The following DENND5A variants were observed in gnomAD, a reference collection of about 807,000 sequenced individuals.
DENND5A encodes DENN domain-containing protein 5A.
In DENND5A, 64 loss-of-function variants were observed where a neutral mutation model predicts 140.3. The ratio of observed to expected loss-of-function variants is 0.46; its 90% CI spans 0.37 to 0.56. The LOEUF (loss-of-function observed/expected upper bound fraction) is 0.56, where lower values mean the gene tolerates loss of function less well. DENND5A is among the 20% of genes least tolerant of loss of function. The pLI is 0.00. For synonymous variants in DENND5A, 605 were observed against 607.7 expected (o/e 1.00, Z 0.07); for missense variants, 1,292 against 1,593.8 (o/e 0.81, Z 3.22).
At chr11:9,177,290 G>A (rs1468778588) in intron 8 of DENND5A, among the ~76,000 whole-genome samples, 1 of 149,166 alleles carries the variant, frequency 6.7e-6, no homozygotes, top group Admixed American at 6.7e-5. Flanking sequence ...AAAAAAAAAA[G>A]GTGGAATGGT....
chr11:9,190,809 C>T (rs926347443), intron 5 of DENND5A, among the ~76,000 whole-genome samples: 2 of 152,126 alleles, frequency 1.3e-5, no homozygotes, highest in Non-Finnish European at 2.9e-5. Context: ...CTTTTGTGCA[C>T]TGTTAGCATT....
At chr11:9,254,294 G>T (rs1851855002) in intron 1 of DENND5A, among the ~76,000 whole-genome samples, 1 of 151,598 alleles carries the variant, frequency 6.6e-6, no homozygotes, top group Non-Finnish European at 1.5e-5. Context: ...AGGTATGATT[G>T]TCCACTGTAC....
chr11:9,151,012 C>T (rs1415713748), intron 13 of DENND5A, among the ~76,000 whole-genome samples: 1 of 152,182 alleles, frequency 6.6e-6, no homozygotes, highest in African/African-American at 2.4e-5. Context: ...CAATTTCCCC[C>T]ACTTAACAGA....
In DENND5A at chr11:9,146,780, G is replaced by A. The variant is rs533205581; in HGVS notation, c.2857+250C>T. 18 of 430,176 alleles carry A rather than the reference G, an allele frequency of 4.2e-5. 1 individual carries two copies. In the South Asian group the frequency reaches 5.2e-4, roughly 13 times the overall value. The allele number at this position is 430,176 out of a possible 1,614,324, so 26.6% of individuals were successfully genotyped here. ...CATCAGCTTAGGCTCCCAGAGCAGT[G>A]CCTAGGACAACACCGACAACACAAT... On this transcript the variant is annotated intron_variant, in intron 16 of 22. Coordinates refer to ENST00000328194, the MANE Select transcript of DENND5A (RefSeq NM_015213.4).
At chr11:9,214,249 T>A (rs1849999337) in intron 1 of DENND5A, among the ~76,000 whole-genome samples, 1 of 152,236 alleles carries the variant, frequency 6.6e-6, no homozygotes, top group African/African-American at 2.4e-5. Context: ...TCTTCAACTC[T>A]CTGGCTGCTC....
chr11:9,190,993 G>A (rs1292848119), intron 5 of DENND5A, among the ~76,000 whole-genome samples: 1 of 152,102 alleles, frequency 6.6e-6, no homozygotes, highest in Non-Finnish European at 1.5e-5. Context: ...CCACAAATGT[G>A]TGACCTTCAG....
At chr11:9,174,302 G>T (rs955501042) in intron 8 of DENND5A, among the ~76,000 whole-genome samples, 1 of 151,402 alleles carries the variant, frequency 6.6e-6, no homozygotes, top group Admixed American at 6.6e-5. Context: ...GTTAAAAACC[G>T]GAAACTGTCA....
rs1156841188 is a variant in DENND5A, at chr11:9,142,084, G to C, written c.3536C>G (p.Thr1179Arg). 6.2e-7 allele frequency: 1 copy of C among 1,601,754 alleles called. No homozygotes were observed. The change falls in exon 22 of 23, where the codon ACA (threonine) becomes AGA (arginine). Residue 1179 changes from threonine (T) to arginine (R), a missense_variant. Thr to Arg is a moderately conservative substitution (Grantham distance 71). Around this residue, in one of 4 missense-constraint regions of DENND5A, gnomAD observed 498 missense variants for 689.7 expected, o/e 0.72. Transcript: ENST00000328194. ...FLEKAQTYYETLEKNEVVPEE... is the reference protein window; with the variant it reads ...FLEKAQTYYERLEKNEVVPEE... Reference sequence around the variant, plus strand: ...AGGGACTACTTCATTCTTCTCTAATGTCTCATAATAGGTTTGTGCTTTTTC... The same window carrying C: ...AGGGACTACTTCATTCTTCTCTAATCTCTCATAATAGGTTTGTGCTTTTTC...
At chr11:9,227,306 T>C (rs1022470293) in intron 1 of DENND5A, among the ~76,000 whole-genome samples, 2 of 152,226 alleles carry the variant, frequency 1.3e-5, no homozygotes, top group African/African-American at 2.4e-5. Context: ...GCTACATTAT[T>C]ACATTACGAT....
rs1383437391 is a variant in DENND5A at position 9,178,166 on chromosome 11, G to A, written c.1872C>T (p.Ser624=). 6.2e-7 allele frequency: 1 copy of A among 1,613,726 alleles called. No individual in the cohort carries two copies. Among genetic ancestry groups the A allele is most frequent in the East Asian group, 2.2e-5 (1 of 44,900 alleles). The part of the protein sequence containing the change: ...LNVRTPTLRT[S]MYQKCTTVDE... ...CCACAGTGGTACACTTCTGGTACAT[G>A]GATGTACGGAGAGTAGGTGTCCGAA... The change falls in exon 8 of 23, where the codon TCC becomes TCT. Residue 624 remains serine (S), a synonymous_variant. Coordinates refer to ENST00000328194, the MANE Select transcript of DENND5A (RefSeq NM_015213.4).
chr11:9,183,786 G>C (rs1359157140), intron 5 of DENND5A, among the ~76,000 whole-genome samples: 1 of 152,124 alleles, frequency 6.6e-6, no homozygotes, highest in Non-Finnish European at 1.5e-5. Context: ...ATTAGGTTGA[G>C]ATTCAACCAT....
intron 1 of DENND5A, among the ~76,000 whole-genome samples, chr11:9,217,582 T>C (rs754518229): frequency 5.3e-5 from 8 of 152,296 alleles, no homozygotes; most frequent in South Asian, 2.1e-4. Flanking sequence ...GATTAGTGTT[T>C]ACCTGGGATG....
At chr11:9,223,979 G>C (rs1050674815) in intron 1 of DENND5A, among the ~76,000 whole-genome samples, 2 of 151,784 alleles carry the variant, frequency 1.3e-5, no homozygotes, top group African/African-American at 4.8e-5. Context: ...ATCACCTGAG[G>C]TCAGGAGTTC....
chr11:9,219,987 G>A (rs1850244955), intron 1 of DENND5A, among the ~76,000 whole-genome samples: 1 of 152,162 alleles, frequency 6.6e-6, no homozygotes, highest in South Asian at 2.1e-4. Flanking sequence ...CACTCTAGAA[G>A]CCCAGGGAAT....
intron 1 of DENND5A, among the ~76,000 whole-genome samples, chr11:9,230,341 A>C (rs751902767): frequency 9.5e-5 from 14 of 146,916 alleles, no homozygotes; most frequent in Non-Finnish European, 2.1e-4. Context: ...TCTGAGCTCA[A>C]GCGATCCACC....
At chr11:9,243,025 T>C (rs1851302281) in intron 1 of DENND5A, among the ~76,000 whole-genome samples, 1 of 142,220 alleles carries the variant, frequency 7.0e-6, no homozygotes, top group Non-Finnish European at 1.5e-5. Context: ...GAGGCAGAAG[T>C]TGCAGTGAGC....
At chr11:9,212,802 A>G (rs1031050957) in intron 1 of DENND5A, among the ~76,000 whole-genome samples, 1 of 152,172 alleles carries the variant, frequency 6.6e-6, no homozygotes, top group Non-Finnish European at 1.5e-5. Flanking sequence ...CAGGTTACGT[A>G]TTGTGTGATT....
chr11:9,139,434 C>T lies in DENND5A; in HGVS notation c.*237G>A, dbSNP rs530797893. The T allele has an allele frequency of 6.4e-4, 311 of 486,576 alleles. No individual in the cohort carries two copies. The highest frequency in any genetic ancestry group is 9.7e-4 in the Non-Finnish European group (263 of 271,094). 30.1% of individuals were successfully genotyped at this position (486,576 alleles called of 1,614,324 possible). A position where few individuals can be genotyped will look rare whatever the true frequency, so the allele number is the denominator to read the frequency against. ...GGGAGGGCACCAGCTTCAAAATAAG[C>T]GGCACCAGCCTCGCTCCCTCTCCCT... On this transcript the variant is annotated 3_prime_UTR_variant, in exon 23 of 23. Transcript: ENST00000328194.
intron 1 of DENND5A, among the ~76,000 whole-genome samples, chr11:9,234,178 CAAA>C (rs11295091): frequency 4.8e-5 from 6 of 126,100 alleles, no homozygotes; most frequent in Admixed American, 7.8e-5. Flanking sequence ...AACTCCGTCT[CAAA>C]AAAAAAAAAA....
Sources: gnomAD v4.1 joint callset for allele counts (sites outside exome capture counted in the v4.1 genomes callset) on GRCh38, gnomAD v4.1.1 for gene constraint, gnomAD v4.1.1 regional missense constraint, MANE v1.5 for transcripts, NCBI Gene and HGNC (gene_info 2026-07-23, HGNC 2026-07-21) for gene names.